CHRM3: variants seen among roughly 807,000 people sequenced by gnomAD.
CHRM3 encodes the protein muscarinic acetylcholine receptor M3.
CHRM3 carries 11 observed loss-of-function variants against 41.8 expected under a neutral mutation model. The observed-to-expected ratio is 0.26, with a 90% CI of 0.17 to 0.44. The LOEUF (loss-of-function observed/expected upper bound fraction) is 0.44, where lower values mean the gene tolerates loss of function less well. CHRM3 is among the 20% of genes least tolerant of loss of function. The probability of loss-of-function intolerance (pLI) is 1.00; values close to 1 mark genes in which losing one functional copy is unlikely to be tolerated. For missense variants in CHRM3, 571 were observed against 745.4 expected (o/e 0.77, Z 2.72); for synonymous variants, 297 against 301.4 (o/e 0.99, Z 0.15).
intron 5 of CHRM3, among the ~76,000 whole-genome samples, chr1:239,681,675 G>A (rs896833627): frequency 1.3e-5 from 2 of 152,152 alleles, no homozygotes; most frequent in Non-Finnish European, 2.9e-5. Context: ...GGGAGATTCA[G>A]TTGAGACCAG....
chr1:239,757,457 C>T (rs997410125), intron 5 of CHRM3, among the ~76,000 whole-genome samples: 3 of 151,910 alleles, frequency 2.0e-5, no homozygotes, highest in Non-Finnish European at 4.4e-5. Context: ...GGTGAAACCC[C>T]GTCTCTACTA....
chr1:239,431,760 A>G (rs1662851862), intron 1 of CHRM3, among the ~76,000 whole-genome samples: 1 of 152,206 alleles, frequency 6.6e-6, no homozygotes, highest in South Asian at 2.1e-4. Flanking sequence ...AGGGTACCTT[A>G]ATCCTTAGAA....
intron 6 of CHRM3, among the ~76,000 whole-genome samples, chr1:239,863,385 C>G (rs1241156705): frequency 6.6e-6 from 1 of 152,204 alleles, no homozygotes; most frequent in East Asian, 1.9e-4. Flanking sequence ...GGGCCACTTT[C>G]TCTCTGCTCC....
At chr1:239,571,603 A>T (rs1449070799) in intron 3 of CHRM3, among the ~76,000 whole-genome samples, 1 of 152,146 alleles carries the variant, frequency 6.6e-6, no homozygotes, top group African/African-American at 2.4e-5. Context: ...TTCTGGGAGT[A>T]ACATTCCCTG....
At chr1:239,405,440 G>C (rs1302435624) in intron 1 of CHRM3, among the ~76,000 whole-genome samples, 1 of 152,072 alleles carries the variant, frequency 6.6e-6, no homozygotes, top group East Asian at 1.9e-4. Context: ...ACAGGAGCTG[G>C]ACCAGTACTT....
intron 6 of CHRM3, among the ~76,000 whole-genome samples, chr1:239,849,887 C>T (rs563236062): frequency 1.3e-5 from 2 of 152,132 alleles, no homozygotes; most frequent in Non-Finnish European, 2.9e-5. Flanking sequence ...CTATTAGTAA[C>T]AGATAAAACG....
rs1208643604 is a variant in CHRM3 at position 239,907,150 on chromosome 1, G to A, written c.-19-283G>A. On this transcript the variant is annotated intron_variant, in intron 6 of 6. Coordinates refer to ENST00000676153, the MANE Select transcript of CHRM3 (RefSeq NM_001375978.1). The surrounding 1 kb of genome is among the most constrained non-coding windows in gnomAD (Gnocchi z 5.4). ...AGAGAAGTAAGGGCGATTTTGTCTA[G>A]TAACAGAATTACATGGAATATATTT... 6.6e-6 allele frequency among the ~76,000 whole-genome samples: 1 copy of A among 152,114 alleles called. No homozygotes were observed. Among genetic ancestry groups the A allele is most frequent in the Non-Finnish European group, 1.5e-5 (1 of 68,038 alleles).
chr1:239,857,186 T>C (rs547726084), intron 6 of CHRM3, among the ~76,000 whole-genome samples: 32 of 152,232 alleles, frequency 2.1e-4, no homozygotes, highest in Non-Finnish European at 3.4e-4. Context: ...CTTTTAGGTA[T>C]ACAGAAAGTT....
chr1:239,815,930 A>C (rs909233911), intron 5 of CHRM3, among the ~76,000 whole-genome samples: 1 of 152,224 alleles, frequency 6.6e-6, no homozygotes, highest in African/African-American at 2.4e-5. Context: ...CTTCTGTCTC[A>C]ATAACAAATT....
At chr1:239,745,586 T>C (rs1377120807) in intron 5 of CHRM3, among the ~76,000 whole-genome samples, 1 of 152,112 alleles carries the variant, frequency 6.6e-6, no homozygotes, top group Non-Finnish European at 1.5e-5. Context: ...GATGGCTTGC[T>C]GCACCCATCA....
At chr1:239,496,899 T>C (rs775002548) in intron 2 of CHRM3, among the ~76,000 whole-genome samples, 10 of 152,110 alleles carry the variant, frequency 6.6e-5, no homozygotes, top group Non-Finnish European at 1.2e-4. Flanking sequence ...TATGTGTATA[T>C]GCATACACAG....
intron 5 of CHRM3, among the ~76,000 whole-genome samples, chr1:239,809,136 C>T (rs1187336306): frequency 3.3e-5 from 5 of 151,462 alleles, no homozygotes; most frequent in African/African-American, 1.2e-4. Context: ...TCTCCTGCCT[C>T]AGCCTCCCGA....
chr1:239,865,122 G>A (rs1675980763), intron 6 of CHRM3, among the ~76,000 whole-genome samples: 1 of 152,152 alleles, frequency 6.6e-6, no homozygotes, highest in Admixed American at 6.5e-5. Flanking sequence ...TCACACCACG[G>A]CATGTAATGC....
intron 1 of CHRM3, among the ~76,000 whole-genome samples, chr1:239,483,592 T>G (rs1667001976): frequency 6.6e-6 from 1 of 152,180 alleles, no homozygotes; most frequent in Admixed American, 6.5e-5. Flanking sequence ...GCTTGACATC[T>G]TTTTTTCTTT....
At chr1:239,524,789 A>G (rs1669885484) in intron 2 of CHRM3, among the ~76,000 whole-genome samples, 1 of 152,194 alleles carries the variant, frequency 6.6e-6, no homozygotes, top group South Asian at 2.1e-4. Flanking sequence ...GGCTTAGGTC[A>G]GAACCTTTTC....
chr1:239,507,817 G>A (rs1214977752), intron 2 of CHRM3, among the ~76,000 whole-genome samples: 1 of 152,164 alleles, frequency 6.6e-6, no homozygotes, highest in East Asian at 1.9e-4. Context: ...TTGGACTTGG[G>A]GGGCTTAGGA....
chr1:239,480,558 T>TC (rs1224549573), intron 1 of CHRM3, among the ~76,000 whole-genome samples: 1 of 142,248 alleles, frequency 7.0e-6, no homozygotes, highest in East Asian at 2.0e-4. Context: ...TTTTTTTTTT[T>TC]TTTTTTTTTT....
At chr1:239,622,424 T>C (rs888261857) in intron 3 of CHRM3, among the ~76,000 whole-genome samples, 1 of 152,204 alleles carries the variant, frequency 6.6e-6, no homozygotes, top group Non-Finnish European at 1.5e-5. Flanking sequence ...TAGAAAGGAT[T>C]CACCATTCTA....
At chr1:239,602,682 G>A (rs905504396) in intron 3 of CHRM3, among the ~76,000 whole-genome samples, 1 of 152,088 alleles carries the variant, frequency 6.6e-6, no homozygotes, top group Non-Finnish European at 1.5e-5. Context: ...TGTAAGGAAT[G>A]TTCATCTGGC....
Sources: gnomAD v4.1 joint callset for allele counts (sites outside exome capture counted in the v4.1 genomes callset) on GRCh38, gnomAD v4.1.1 for gene constraint, Gnocchi (gnomAD v3.1) non-coding constraint, MANE v1.5 for transcripts, NCBI Gene and HGNC (gene_info 2026-07-23, HGNC 2026-07-21) for gene names.